The following PCDH15 variants were observed in gnomAD, a reference collection of about 807,000 sequenced individuals.
The protein encoded by PCDH15 is protocadherin-15.
Under a neutral mutation model 178.5 loss-of-function variants are expected in PCDH15, and 129 were observed. The ratio of observed to expected loss-of-function variants is 0.72; its 90% CI spans 0.63 to 0.84. PCDH15 has a LOEUF of 0.84. PCDH15 is among the 40% of genes least tolerant of loss of function. PCDH15 has a pLI of 0.00. For synonymous variants in PCDH15, 800 were observed against 732.0 expected, an observed-to-expected ratio of 1.09 and a Z score of -1.50; for missense variants, 2,230 against 2,099.9, an observed-to-expected ratio of 1.06 and a Z score of -1.21.
intron 26 of PCDH15, among the ~76,000 whole-genome samples, chr10:53,877,957 G>T (rs961546593): frequency 3.9e-5 from 6 of 152,030 alleles, no homozygotes; most frequent in Non-Finnish European, 8.8e-5. Context: ...TGCCAGAGAT[G>T]AATGTTAAAA....
At chr10:55,509,780 C>T (rs143126684) in intron 2 of PCDH15, among the ~76,000 whole-genome samples, 203 of 151,888 alleles carry the variant, frequency 1.3e-3, no homozygotes, top group African/African-American at 4.7e-3. Flanking sequence ...GGGTTCTAAA[C>T]GTGTAAGTTA....
chr10:53,955,424 C>G (rs188026303), intron 23 of PCDH15, among the ~76,000 whole-genome samples: 1 of 152,074 alleles, frequency 6.6e-6, no homozygotes, highest in South Asian at 2.1e-4. Flanking sequence ...AGTGACAGAA[C>G]GGGGACGTAT....
chr10:54,478,193 G>C (rs1357426617), intron 3 of PCDH15, among the ~76,000 whole-genome samples: 1 of 152,046 alleles, frequency 6.6e-6, no homozygotes, highest in African/African-American at 2.4e-5. Context: ...CTGCTTCTTT[G>C]CTTAGAGTGA....
At chr10:54,875,426 C>T (rs1261470914) in intron 3 of PCDH15, among the ~76,000 whole-genome samples, 1 of 152,074 alleles carries the variant, frequency 6.6e-6, no homozygotes, top group Non-Finnish European at 1.5e-5. Context: ...ATTCAAGTAT[C>T]TCACTTTAAT....
chr10:54,015,277 C>T (rs192740790), intron 20 of PCDH15, among the ~76,000 whole-genome samples: 24 of 152,200 alleles, frequency 1.6e-4, no homozygotes, highest in African/African-American at 4.8e-4. Flanking sequence ...AATTGAAAAA[C>T]ATTCCATGCT....
intron 2 of PCDH15, among the ~76,000 whole-genome samples, chr10:55,331,384 A>T (rs1384458783): frequency 6.6e-6 from 1 of 152,026 alleles, no homozygotes. Context: ...ATTATTATTA[A>T]TGTATTTGAT....
intron 8 of PCDH15, among the ~76,000 whole-genome samples, chr10:54,273,499 G>A (rs765620542): frequency 6.6e-6 from 1 of 151,830 alleles, no homozygotes; most frequent in Non-Finnish European, 1.5e-5. Flanking sequence ...AATGAAAAGG[G>A]GGTCAGCACT....
At chr10:54,336,225 T>G (rs1202517938) in intron 6 of PCDH15, among the ~76,000 whole-genome samples, 2 of 152,268 alleles carry the variant, frequency 1.3e-5, no homozygotes, top group South Asian at 2.1e-4. Context: ...TCAGAAAATT[T>G]GCAGCCTGAT....
At chr10:54,625,376 T>C (rs1647619740) in intron 2 of PCDH15, among the ~76,000 whole-genome samples, 2 of 152,146 alleles carry the variant, frequency 1.3e-5, no homozygotes, top group Non-Finnish European at 2.9e-5. Context: ...CCATAGCCAA[T>C]GATATGGTTT....
At chr10:54,799,772 G>A (rs1952453646) in intron 1 of PCDH15, among the ~76,000 whole-genome samples, 1 of 152,014 alleles carries the variant, frequency 6.6e-6, no homozygotes, top group South Asian at 2.1e-4. Context: ...AGACACACAT[G>A]TACAGATACA....
chr10:55,125,190 T>TGC (rs1445292048), intron 2 of PCDH15, among the ~76,000 whole-genome samples: 2 of 149,874 alleles, frequency 1.3e-5, no homozygotes, highest in African/African-American at 2.4e-5. Context: ...TGTGTGTGTG[T>TGC]GTGTAAGTTT....
chr10:53,924,341 G>C (rs1213947042), intron 25 of PCDH15, among the ~76,000 whole-genome samples: 2 of 152,214 alleles, frequency 1.3e-5, no homozygotes, highest in African/African-American at 2.4e-5. Context: ...AGCTGCGGAG[G>C]GTGCACCGGG....
chr10:53,917,233 T>C (rs1286889152), intron 25 of PCDH15, among the ~76,000 whole-genome samples: 1 of 152,074 alleles, frequency 6.6e-6, no homozygotes, highest in African/African-American at 2.4e-5. Flanking sequence ...TCAGACAGTA[T>C]ATAATATTTG....
intron 21 of PCDH15, among the ~76,000 whole-genome samples, chr10:53,966,553 C>A (rs1379572795): frequency 6.6e-6 from 1 of 152,054 alleles, no homozygotes; most frequent in East Asian, 1.9e-4. Context: ...AATATTATTT[C>A]TGGGAAATTT....
At chr10:54,803,548 A>G (rs2133719405), upstream of PCDH15, among the ~76,000 whole-genome samples, 1 of 152,226 alleles carries the variant, frequency 6.6e-6, no homozygotes, top group East Asian at 1.9e-4. Context: ...TTCTTTCCAC[A>G]AAGGCAACAC....
At chr10:54,014,565 A>G (rs1460984029) in intron 20 of PCDH15, among the ~76,000 whole-genome samples, 1 of 152,092 alleles carries the variant, frequency 6.6e-6, no homozygotes, top group Admixed American at 6.6e-5. Context: ...AATCCACCAC[A>G]GTCAAGTAGG....
chr10:55,472,620 G>T (rs1046368900), intron 2 of PCDH15, among the ~76,000 whole-genome samples: 16 of 152,190 alleles, frequency 1.1e-4, no homozygotes, highest in African/African-American at 3.6e-4. Context: ...CCAGGCTGGA[G>T]TGCAGTGGCG....
chr10:54,635,939 C>T (rs564461954), intron 2 of PCDH15, among the ~76,000 whole-genome samples: 5 of 151,450 alleles, frequency 3.3e-5, no homozygotes, highest in South Asian at 2.1e-4. Flanking sequence ...GCAAAGAAAA[C>T]GAGAAATATT....
intron 2 of PCDH15, among the ~76,000 whole-genome samples, chr10:55,080,953 T>A (rs1842026140): frequency 6.6e-6 from 1 of 152,136 alleles, no homozygotes; most frequent in African/African-American, 2.4e-5. Context: ...GAACCCATTG[T>A]TAGATAAACC....
Sources: gnomAD v4.1 joint callset for allele counts (sites outside exome capture counted in the v4.1 genomes callset) on GRCh38, gnomAD v4.1.1 for gene constraint, MANE v1.5 for transcripts, NCBI Gene and HGNC (gene_info 2026-07-23, HGNC 2026-07-21) for gene names.